SLCO5A1: variants seen among roughly 807,000 people sequenced by gnomAD.
SLCO5A1 encodes the protein organic anion transporter polypeptide-related protein 4.
Under a neutral mutation model 65.1 loss-of-function variants are expected in SLCO5A1, and 39 were observed. The ratio of observed to expected loss-of-function variants is 0.60; its 90% CI spans 0.46 to 0.78. SLCO5A1 has a LOEUF of 0.78. Among genes scored for constraint, SLCO5A1 ranks in the 30% least tolerant of loss-of-function variants. The pLI, the probability that SLCO5A1 is intolerant of heterozygous loss-of-function variation, is 0.00. For missense variants in SLCO5A1, 1,029 were observed against 1,069.4 expected (o/e 0.96, Z 0.53); for synonymous variants, 438 against 415.7 (o/e 1.05, Z -0.65).
chr8:69,758,151 T>C, intron 3 of SLCO5A1, among the ~76,000 whole-genome samples: 1 of 152,164 alleles, frequency 6.6e-6, no homozygotes, highest in South Asian at 2.1e-4. Context: ...GCTAGTTTTG[T>C]GTGTCTGGTT....
intron 4 of SLCO5A1, among the ~76,000 whole-genome samples, chr8:69,743,081 T>A (rs1409252377): frequency 6.6e-6 from 1 of 152,168 alleles, no homozygotes; most frequent in Non-Finnish European, 1.5e-5. Context: ...ATTACAGGCG[T>A]GAGCCACTGT....
chr8:69,677,921 TC>T (rs1343557906), intron 8 of SLCO5A1, among the ~76,000 whole-genome samples: 2 of 151,440 alleles, frequency 1.3e-5, no homozygotes, highest in Non-Finnish European at 2.9e-5. Context: ...TCCCCCCTAA[TC>T]CCCTTCCCTG....
chr8:69,831,968 G>T lies in SLCO5A1; in HGVS notation c.706C>A (p.Leu236Met). The T allele has an allele frequency of 6.3e-7, 1 of 1,593,294 alleles. No individual in the cohort carries two copies. The highest frequency in any genetic ancestry group is 1.3e-5 in the African/African-American group (1 of 74,284). The change falls in exon 2 of 10, where the codon CTG becomes ATG. Residue 236 changes from leucine to methionine, a missense_variant. Leu to Met is a conservative substitution (Grantham distance 15, BLOSUM62 2). Around this residue, in one of 3 missense-constraint regions of SLCO5A1, gnomAD observed 647 missense variants for 647.5 expected, o/e 1.00. Coordinates refer to ENST00000260126, the MANE Select transcript of SLCO5A1 (RefSeq NM_030958.3). The stretch of plus-strand genomic sequence containing the variant: ...GCGGTGGAGTTGCCACCCTGACACA[G>T]GCCGTCGTTGGGGGCCGAGGCGTTC... ...ELNASAPNDG[L>M]CQGGNSTATL...
chr8:69,748,768 A>G (rs1230471753), intron 4 of SLCO5A1, among the ~76,000 whole-genome samples: 1 of 152,180 alleles, frequency 6.6e-6, no homozygotes, highest in African/African-American at 2.4e-5. Context: ...CAGCTTCAGT[A>G]TCATCTGGGA....
rs559206342 is a variant in SLCO5A1 at position 69,827,227 on chromosome 8, G to A, written c.907+4540C>T. On this transcript the variant is annotated intron_variant, in intron 2 of 9. Coordinates refer to ENST00000260126, the MANE Select transcript of SLCO5A1 (RefSeq NM_030958.3). ...ACGAGTTAATGGGTGCAGCACACCAGCATGGCACATGTATACATATGTAAC... is the reference window on the plus strand; with the variant it reads ...ACGAGTTAATGGGTGCAGCACACCAACATGGCACATGTATACATATGTAAC... Among the ~76,000 whole-genome samples, 811 of 151,706 alleles carry A rather than the reference G, an allele frequency of 5.3e-3. 4 individuals are homozygous for A. Among genetic ancestry groups the A allele is most frequent in the African/African-American group, 0.018 (756 of 41,386 alleles).
At chr8:69,726,496 C>CCTT (rs71275007) in intron 5 of SLCO5A1, among the ~76,000 whole-genome samples, 4,405 of 114,660 alleles carry the variant, frequency 0.038, 160 homozygotes, top group South Asian at 0.099. Context: ...TTCCTACCTC[C>CCTT]TTTTTTTTTT....
intron 6 of SLCO5A1, among the ~76,000 whole-genome samples, chr8:69,697,098 A>G (rs533991158): frequency 6.6e-6 from 1 of 152,382 alleles, no homozygotes; most frequent in East Asian, 1.9e-4. Flanking sequence ...CATATGTTGC[A>G]TTAAAAGGGT....
At chr8:69,761,979 A>G in intron 2 of SLCO5A1, 104 bp from the exon 3 acceptor site, 2 of 1,412,252 alleles carry the variant, frequency 1.4e-6, no homozygotes, top group Non-Finnish European at 1.9e-6. Flanking sequence ...AGTTCAATCC[A>G]GTTAACTTCC....
At position 69,813,388 on chromosome 8, in the gene SLCO5A1, A is replaced by C. The variant is rs114934535; in HGVS notation, c.907+18379T>G. 2.1e-3 allele frequency among the ~76,000 whole-genome samples: 327 copies of C among 152,342 alleles called. 1 individual carries two copies. Among genetic ancestry groups the C allele is most frequent in the African/African-American group, 7.4e-3 (309 of 41,574 alleles). On this transcript the variant is annotated intron_variant, in intron 2 of 9. Transcript: ENST00000260126. Reference sequence around the variant, plus strand: ...TATATAATTTCATTCTGCTGAGAATATTAATTACATAAATATGCTCTTTAT... The same window carrying C: ...TATATAATTTCATTCTGCTGAGAATCTTAATTACATAAATATGCTCTTTAT...
rs529223299 is a variant in SLCO5A1 at position 69,670,544 on chromosome 8, G to C, written c.*2325C>G. 2.0e-5 allele frequency: 3 copies of C among 152,252 alleles called. No individual in the cohort carries two copies. In the South Asian group the frequency reaches 6.2e-4, roughly 32 times the overall value. The allele number at this position is 152,252 out of a possible 1,614,324, so 9.4% of individuals were successfully genotyped here. A position where few individuals can be genotyped will look rare whatever the true frequency, so the allele number is the denominator to read the frequency against. On this transcript the variant is annotated 3_prime_UTR_variant, in exon 10 of 10. Transcript: ENST00000260126. ...CTTGAGGAAGTACAATATTAACACT[G>C]TGGTGCACATTTCAGGCCCATTTCT...
chr8:69,682,089 A>G (rs1366345827), intron 7 of SLCO5A1, 95 bp downstream of exon 7: 3 of 1,346,468 alleles, frequency 2.2e-6, no homozygotes, highest in Non-Finnish European at 3.0e-6. Flanking sequence ...TCTTGAAAAG[A>G]AAGACTGAAG....
chr8:69,806,508 G>A (rs1004578520), intron 2 of SLCO5A1, among the ~76,000 whole-genome samples: 11 of 152,132 alleles, frequency 7.2e-5, no homozygotes, highest in South Asian at 4.2e-4. Context: ...TTATCTCCAC[G>A]TGTATAACAT....
intron 2 of SLCO5A1, among the ~76,000 whole-genome samples, chr8:69,799,868 G>A (rs1006038022): frequency 6.6e-6 from 1 of 152,148 alleles, no homozygotes; most frequent in African/African-American, 2.4e-5. Flanking sequence ...TACAATTTAA[G>A]ATGAGATTTG....
chr8:69,715,330 G>T (rs1815464238), intron 5 of SLCO5A1, among the ~76,000 whole-genome samples: 3 of 152,172 alleles, frequency 2.0e-5, no homozygotes, highest in Admixed American at 1.3e-4. Flanking sequence ...AAACGACGTT[G>T]GTATCAATTT....
intron 6 of SLCO5A1, among the ~76,000 whole-genome samples, chr8:69,695,285 AG>A (rs1260722472): frequency 3.9e-5 from 6 of 152,204 alleles, no homozygotes; most frequent in Non-Finnish European, 5.9e-5. Flanking sequence ...ACGTAAGGTC[AG>A]GAGTTCAAGA....
intron 2 of SLCO5A1, among the ~76,000 whole-genome samples, chr8:69,781,133 C>T (rs778002377): frequency 1.3e-5 from 2 of 152,208 alleles, no homozygotes; most frequent in African/African-American, 4.8e-5. Context: ...CCTGGGAAGG[C>T]TGAGTCACTG....
chr8:69,817,451 A>T (rs529399881), intron 2 of SLCO5A1, among the ~76,000 whole-genome samples: 3 of 152,246 alleles, frequency 2.0e-5, no homozygotes, highest in Admixed American at 2.0e-4. Flanking sequence ...TGAACACTGG[A>T]GTGTAAATAT....
chr8:69,815,553 A>C (rs2130914809), intron 2 of SLCO5A1, among the ~76,000 whole-genome samples: 1 of 152,036 alleles, frequency 6.6e-6, no homozygotes, highest in South Asian at 2.1e-4. Flanking sequence ...TCTGCTTTAG[A>C]ATGCTGATTA....
intron 3 of SLCO5A1, among the ~76,000 whole-genome samples, chr8:69,760,114 T>G (rs1191249055): frequency 6.6e-6 from 1 of 152,218 alleles, no homozygotes; most frequent in African/African-American, 2.4e-5. Context: ...TGTGCCCTCC[T>G]TAAGGACCTC....
Sources: gnomAD v4.1 joint callset for allele counts (sites outside exome capture counted in the v4.1 genomes callset) on GRCh38, gnomAD v4.1.1 for gene constraint, gnomAD v4.1.1 regional missense constraint, MANE v1.5 for transcripts, NCBI Gene and HGNC (gene_info 2026-07-23, HGNC 2026-07-21) for gene names.